PPP1R9A: variants seen among roughly 807,000 people sequenced by gnomAD.
PPP1R9A encodes the protein neurabin-1.
A neutral mutation model predicts 141.9 loss-of-function variants in PPP1R9A; 59 were observed. That is an observed-to-expected ratio of 0.42 (90% CI 0.34 to 0.52). PPP1R9A has a LOEUF of 0.52. PPP1R9A is among the 20% of genes least tolerant of loss of function. The pLI is 0.10. For synonymous variants in PPP1R9A, 500 were observed against 569.7 expected (o/e 0.88, Z 1.74); for missense variants, 1,444 against 1,611.9 (o/e 0.90, Z 1.78).
intron 8 of PPP1R9A, among the ~76,000 whole-genome samples, chr7:95,244,843 T>G (rs905805209): frequency 2.0e-5 from 3 of 152,192 alleles, no homozygotes; most frequent in Non-Finnish European, 1.5e-5. Context: ...GCCACTGTGC[T>G]AAGTGCTTTA....
Position 95,057,199 on chromosome 7 carries a change from A to G in PPP1R9A, c.1396-54060A>G, listed in dbSNP as rs147259004. On this transcript the variant is annotated intron_variant, in intron 2 of 19. Coordinates refer to ENST00000433360, the MANE Select transcript of PPP1R9A (RefSeq NM_001166160.2). The stretch of plus-strand genomic sequence containing the variant: ...AGAAATTCACAGTCTTTGAACTCAC[A>G]TAATTTGGGGGATTTCAAATACTGT... 6.2e-4 allele frequency among the ~76,000 whole-genome samples: 94 copies of G among 152,166 alleles called. 2 individuals carry two copies. The East Asian group carries it at 0.018, about 29-fold the overall frequency.
intron 14 of PPP1R9A, among the ~76,000 whole-genome samples, chr7:95,271,636 A>G (rs566305338): frequency 2.6e-5 from 4 of 152,318 alleles, no homozygotes; most frequent in South Asian, 4.1e-4. Flanking sequence ...ATCTTATTAC[A>G]GTGAGATTAA....
chr7:95,288,205 A>G (rs574323177), intron 18 of PPP1R9A, among the ~76,000 whole-genome samples: 2 of 152,372 alleles, frequency 1.3e-5, no homozygotes, highest in Non-Finnish European at 2.9e-5. Flanking sequence ...CATTGCATAT[A>G]GAAATTTATG....
intron 5 of PPP1R9A, among the ~76,000 whole-genome samples, chr7:95,184,932 G>A (rs1029923640): frequency 6.6e-6 from 1 of 151,932 alleles, no homozygotes; most frequent in African/African-American, 2.4e-5. Context: ...ATAAACGTGA[G>A]TGTGTGGGTG....
At chr7:95,100,501 C>T (rs1378140175) in intron 2 of PPP1R9A, among the ~76,000 whole-genome samples, 1 of 152,196 alleles carries the variant, frequency 6.6e-6, no homozygotes, top group Admixed American at 6.5e-5. Flanking sequence ...ATCTTTACCA[C>T]ATACTTCTGA....
At chr7:95,133,950 C>T (rs1157147880) in intron 4 of PPP1R9A, among the ~76,000 whole-genome samples, 1 of 152,120 alleles carries the variant, frequency 6.6e-6, no homozygotes, top group Non-Finnish European at 1.5e-5. Context: ...TCCCAAAGTT[C>T]TGGGGTTAAG....
chr7:95,063,865 C>T (rs566706980), intron 2 of PPP1R9A, among the ~76,000 whole-genome samples: 2 of 152,102 alleles, frequency 1.3e-5, no homozygotes, highest in East Asian at 3.9e-4. Flanking sequence ...CTTATTTTTT[C>T]TTTATATTAC....
At chr7:95,275,783 CCTT>C (rs1337798967) in intron 16 of PPP1R9A, among the ~76,000 whole-genome samples, 1 of 152,032 alleles carries the variant, frequency 6.6e-6, no homozygotes, top group Non-Finnish European at 1.5e-5. Context: ...AGAAATTGTA[CCTT>C]CTTCTTGGAA....
At chr7:95,269,624 T>A (rs1263470095) in intron 14 of PPP1R9A, 117 bp downstream of exon 14, 1 of 754,980 alleles carries the variant, frequency 1.3e-6, no homozygotes, top group Admixed American at 3.8e-5. Flanking sequence ...AATATTAATT[T>A]CTTTTTATAT....
chr7:95,047,168 C>G (rs1228689588), intron 2 of PPP1R9A, among the ~76,000 whole-genome samples: 1 of 152,182 alleles, frequency 6.6e-6, no homozygotes, highest in East Asian at 1.9e-4. Context: ...GTGGTTCCAG[C>G]CCCAAGATTA....
At chr7:95,027,283 G>A (rs180760080) in intron 2 of PPP1R9A, among the ~76,000 whole-genome samples, 3 of 152,296 alleles carry the variant, frequency 2.0e-5, no homozygotes, top group Admixed American at 2.0e-4. Context: ...ATCTGGGCCA[G>A]AATGCACCAT....
intron 2 of PPP1R9A, among the ~76,000 whole-genome samples, chr7:94,975,701 T>A (rs1359853029): frequency 6.6e-6 from 1 of 152,200 alleles, no homozygotes; most frequent in East Asian, 1.9e-4. Flanking sequence ...ACTGTACAAT[T>A]TCCATTTATT....
chr7:95,041,339 G>A (rs953319317), intron 2 of PPP1R9A, among the ~76,000 whole-genome samples: 9 of 152,116 alleles, frequency 5.9e-5, no homozygotes, highest in Admixed American at 3.3e-4. Context: ...AAACCTTTCC[G>A]CTCTGAATCT....
chr7:95,114,332 A>G (rs570004551), intron 3 of PPP1R9A, among the ~76,000 whole-genome samples: 1 of 152,300 alleles, frequency 6.6e-6, no homozygotes, highest in Non-Finnish European at 1.5e-5. Context: ...ATTAAATAGC[A>G]TATTGTTTTG....
chr7:94,970,737 G>A (rs536330550), intron 2 of PPP1R9A, among the ~76,000 whole-genome samples: 1 of 150,828 alleles, frequency 6.6e-6, no homozygotes, highest in Non-Finnish European at 1.5e-5. Flanking sequence ...CTGGGTTCAA[G>A]CGATTCTTCT....
intron 2 of PPP1R9A, among the ~76,000 whole-genome samples, chr7:94,977,215 G>A (rs1472630847): frequency 6.6e-6 from 1 of 151,980 alleles, no homozygotes; most frequent in Non-Finnish European, 1.5e-5. Context: ...GGAGATGTCT[G>A]GGTTGAAGAG....
At chr7:95,187,647 G>C (rs1266563803) in intron 5 of PPP1R9A, among the ~76,000 whole-genome samples, 1 of 152,072 alleles carries the variant, frequency 6.6e-6, no homozygotes, top group Non-Finnish European at 1.5e-5. Context: ...TTAATGCTAT[G>C]AACTTTCCTC....
Position 95,290,482 on chromosome 7 carries a change from T to A in PPP1R9A, c.*179T>A. The A allele has an allele frequency of 1.5e-6, 1 of 675,190 alleles. No individual in the cohort carries two copies. Among genetic ancestry groups the A allele is most frequent in the Non-Finnish European group, 2.4e-6 (1 of 416,686 alleles). 41.8% of individuals were successfully genotyped at this position (675,190 alleles called of 1,614,324 possible). On this transcript the variant is annotated 3_prime_UTR_variant, in exon 20 of 20. Transcript: ENST00000433360. ...CTGCAATAGAATGCACTCTTAATTT[T>A]AACTACTAAAATAATCCCAAGCCAC...
chr7:95,081,561 C>A (rs1276579327), intron 2 of PPP1R9A, among the ~76,000 whole-genome samples: 2 of 152,082 alleles, frequency 1.3e-5, no homozygotes, highest in African/African-American at 2.4e-5. Context: ...TAAGATACAG[C>A]TATAGAAACT....
Sources: gnomAD v4.1 joint callset for allele counts (sites outside exome capture counted in the v4.1 genomes callset) on GRCh38, gnomAD v4.1.1 for gene constraint, MANE v1.5 for transcripts, NCBI Gene and HGNC (gene_info 2026-07-23, HGNC 2026-07-21) for gene names.